The following SLC25A36 variants were observed in gnomAD, a reference collection of about 807,000 sequenced individuals.
The protein encoded by SLC25A36 is epididymis secretory sperm binding protein.
Under a neutral mutation model 35.3 loss-of-function variants are expected in SLC25A36, and 24 were observed. The observed-to-expected ratio is 0.68, with a 90% CI of 0.49 to 0.96. The LOEUF is 0.96. SLC25A36 is among the 40% of genes least tolerant of loss of function. The pLI is 0.00. For synonymous variants in SLC25A36, 141 were observed against 132.2 expected (o/e 1.07, Z -0.46); for missense variants, 294 against 381.1 (o/e 0.77, Z 1.90).
chr3:140,967,133 T>A (rs1934778526), intron 4 of SLC25A36: 1 of 447,046 alleles, frequency 2.2e-6, no homozygotes, highest in South Asian at 1.6e-5. Flanking sequence ...GGAAATTAAC[T>A]TTTATTTCCT....
At chr3:140,959,408 T>C (rs1162658255) in intron 2 of SLC25A36, 55 bp from the exon 3 acceptor site, 2 of 944,330 alleles carry the variant, frequency 2.1e-6, no homozygotes, top group Non-Finnish European at 3.1e-6. Context: ...ACAAAGTAAA[T>C]AAAGTACCAG....
intron 1 of SLC25A36, among the ~76,000 whole-genome samples, chr3:140,950,747 C>A (rs1276723291): frequency 6.6e-6 from 1 of 152,080 alleles, no homozygotes; most frequent in Non-Finnish European, 1.5e-5. Context: ...AGTTGAAGTC[C>A]TTGAAAGATT....
In SLC25A36 at chr3:140,979,276, A is replaced by G. The variant is rs1031249112; in HGVS notation, c.*2823A>G. ...GGTTGGTAAAAATAATGTTTGCTCT[A>G]TTACTGGGTTACAGACATTTCAGCA... On this transcript the variant is annotated 3_prime_UTR_variant, in exon 7 of 7. Coordinates refer to ENST00000324194, the MANE Select transcript of SLC25A36 (RefSeq NM_001104647.3). 3.9e-5 allele frequency: 6 copies of G among 152,184 alleles called. No individual in the cohort carries two copies. The highest frequency in any genetic ancestry group is 7.4e-5 in the Non-Finnish European group (5 of 68,002). The allele number at this position is 152,184 out of a possible 1,614,324, so 9.4% of individuals were successfully genotyped here. A position where few individuals can be genotyped will look rare whatever the true frequency, so the allele number is the denominator to read the frequency against.
chr3:140,952,066 G>T (rs890528598), intron 1 of SLC25A36, among the ~76,000 whole-genome samples: 6 of 150,638 alleles, frequency 4.0e-5, no homozygotes, highest in Non-Finnish European at 8.9e-5. Context: ...GCCCAGGCTG[G>T]AGTGCAGTGG....
At chr3:140,973,621 A>G in intron 5 of SLC25A36, 95 bp from the exon 6 acceptor site, 1 of 912,796 alleles carries the variant, frequency 1.1e-6, no homozygotes, top group African/African-American at 1.7e-5. Context: ...CATGAGTTAA[A>G]GAAGGCCATT....
At chr3:140,974,071 G>A in intron 6 of SLC25A36, 66 bp downstream of exon 6, 1 of 1,125,568 alleles carries the variant, frequency 8.9e-7, no homozygotes, top group Non-Finnish European at 1.3e-6. Flanking sequence ...ACTTATTAAA[G>A]CATTTATAAT....
chr3:140,968,710 G>T (rs1934826687), intron 4 of SLC25A36: 5 of 983,258 alleles, frequency 5.1e-6, no homozygotes, highest in Non-Finnish European at 6.0e-6. Context: ...ACTTGGAAGA[G>T]TATTATGGAC....
chr3:140,976,819 G>C lies in SLC25A36; in HGVS notation c.*366G>C, dbSNP rs1935061239. 6.3e-6 allele frequency: 1 copy of C among 158,910 alleles called. No homozygotes were observed. Among genetic ancestry groups the C allele is most frequent in the African/African-American group, 2.4e-5 (1 of 41,676 alleles). The allele number at this position is 158,910 out of a possible 1,614,324, so 9.8% of individuals were successfully genotyped here. On this transcript the variant is annotated 3_prime_UTR_variant, in exon 7 of 7. Coordinates refer to ENST00000324194, the MANE Select transcript of SLC25A36 (RefSeq NM_001104647.3). Reference sequence around the variant, plus strand: ...ATTGTAACTATCCAAAGATAGTATTGGCAGTCATAAATTTATAACTTCTGG... The same window carrying C: ...ATTGTAACTATCCAAAGATAGTATTCGCAGTCATAAATTTATAACTTCTGG...
At chr3:140,974,640 T>TCTG (rs1241208729) in intron 6 of SLC25A36, among the ~76,000 whole-genome samples, 2 of 152,234 alleles carry the variant, frequency 1.3e-5, no homozygotes, top group Non-Finnish European at 2.9e-5. Context: ...TAAGAATTTA[T>TCTG]CTGCTACATG....
At chr3:140,975,138 C>A (rs1237729030) in intron 6 of SLC25A36, among the ~76,000 whole-genome samples, 2 of 65,962 alleles carry the variant, frequency 3.0e-5, no homozygotes, top group Non-Finnish European at 6.5e-5. Context: ...GATAGGATCT[C>A]ACTGTGTCAC....
Position 140,941,951 on chromosome 3 carries a change from C to A in SLC25A36, c.-104C>A. The A allele has an allele frequency of 1.6e-6, 1 of 641,688 alleles. No individual in the cohort carries two copies. The highest frequency in any genetic ancestry group is 2.6e-6 in the Non-Finnish European group (1 of 380,894). The allele number at this position is 641,688 out of a possible 1,614,324, so 39.7% of individuals were successfully genotyped here. On this transcript the variant is annotated 5_prime_UTR_variant, in exon 1 of 7. Coordinates refer to ENST00000324194, the MANE Select transcript of SLC25A36 (RefSeq NM_001104647.3). ...ATCTCGGCCAGCTCTCCTCGCCGTC[C>A]CCGGGGCGCTGTGCGTCTCCAGTCC...
At chr3:140,952,687 G>A (rs1431203771) in intron 1 of SLC25A36, among the ~76,000 whole-genome samples, 1 of 152,066 alleles carries the variant, frequency 6.6e-6, no homozygotes, top group Non-Finnish European at 1.5e-5. Context: ...AAGCGTGTGA[G>A]GCATAGGTAT....
chr3:140,943,957 TC>T (rs909510825), intron 1 of SLC25A36, among the ~76,000 whole-genome samples: 5 of 147,686 alleles, frequency 3.4e-5, no homozygotes, highest in Non-Finnish European at 7.4e-5. Flanking sequence ...CTCCATCCCC[TC>T]CCCCCCAGTC....
rs764035792 is a variant in SLC25A36 at position 140,971,009 on chromosome 3, A to G, written c.452+16A>G. ...TTGATGCAAGGTATGTTAATTCCTT[A>G]AAATAAAATTGGTTAAAGTGGATTT... On this transcript the variant is annotated intron_variant, in intron 5 of 6. Coordinates refer to ENST00000324194, the MANE Select transcript of SLC25A36 (RefSeq NM_001104647.3). 3 of 1,167,952 alleles carry G rather than the reference A, an allele frequency of 2.6e-6. No homozygotes were observed. The South Asian group carries it at 3.9e-5, about 15-fold the overall frequency. 72.3% of individuals were successfully genotyped at this position (1,167,952 alleles called of 1,614,324 possible).
In SLC25A36 at chr3:140,976,344, G is replaced by C. The variant is rs1935045464; in HGVS notation, c.827G>C (p.Gly276Ala). ...CTATCTTTGCTTGTTCAAGAAGAAG[G>C]TTATGGGTCTCTTTATCGTGGTCTG... ...QTLSLLVQEEGYGSLYRGLTT... is the reference protein window; with the variant it reads ...QTLSLLVQEEAYGSLYRGLTT... Residue 276 changes from glycine (G) to alanine (A), a missense_variant, in exon 7 of 7, where the codon GGT becomes GCT. Transcript: ENST00000324194. The C allele has an allele frequency of 6.2e-7, 1 of 1,613,718 alleles. No individual in the cohort carries two copies. Among genetic ancestry groups the C allele is most frequent in the African/African-American group, 1.3e-5 (1 of 74,904 alleles).
intron 5 of SLC25A36, among the ~76,000 whole-genome samples, chr3:140,972,386 C>A (rs77193144): frequency 1.3e-5 from 2 of 151,678 alleles, no homozygotes; most frequent in African/African-American, 4.9e-5. Context: ...GAGGGCTGAG[C>A]GCAGTGGATC....
chr3:140,961,242 C>T lies in SLC25A36; in HGVS notation c.284+1702C>T, dbSNP rs75089870. Among the ~76,000 whole-genome samples, 119 of 152,114 alleles carry T rather than the reference C, an allele frequency of 7.8e-4. 1 individual carries two copies. The highest frequency in any genetic ancestry group is 2.8e-3 in the African/African-American group (115 of 41,508). ...CATGTATATTCTTCCAGTAATTTTT[C>T]TCGGTTATCATATACATAAAAACAT... On this transcript the variant is annotated intron_variant, in intron 3 of 6. Coordinates refer to ENST00000324194, the MANE Select transcript of SLC25A36 (RefSeq NM_001104647.3).
chr3:140,941,868 G>A lies in SLC25A36; in HGVS notation c.-187G>A, dbSNP rs1032666557. ...GGTGAAGGGCGGCGCGCTTAGGCAG[G>A]CGGTGGCGCGGCTGGAGTGCCGCGG... On this transcript the variant is annotated 5_prime_UTR_variant, in exon 1 of 7. Coordinates refer to ENST00000324194, the MANE Select transcript of SLC25A36 (RefSeq NM_001104647.3). 1.8e-5 allele frequency: 9 copies of A among 503,410 alleles called. No homozygotes were observed. The highest frequency in any genetic ancestry group is 3.2e-5 in the Non-Finnish European group (9 of 280,412). The allele number at this position is 503,410 out of a possible 1,614,324, so 31.2% of individuals were successfully genotyped here.
chr3:140,968,057 T>TA, intron 4 of SLC25A36: 1 of 985,090 alleles, frequency 1.0e-6, no homozygotes, highest in Non-Finnish European at 1.2e-6. Context: ...AGTGGGAAGA[T>TA]ATGTTTAGCT....
Sources: allele counts gnomAD v4.1 joint callset (sites outside exome capture counted in the v4.1 genomes callset), GRCh38; gene constraint gnomAD v4.1.1; transcripts MANE v1.5; gene names NCBI Gene and HGNC (gene_info 2026-07-23, HGNC 2026-07-21).